Variants in MPP7 observed in about 807,000 individuals in gnomAD.
The protein encoded by MPP7 is MAGUK p55 scaffold protein 7, also known as MAGUK p55 subfamily member 7.
Under a neutral mutation model 76.5 loss-of-function variants are expected in MPP7, and 60 were observed. The ratio of observed to expected loss-of-function variants is 0.78; its 90% CI spans 0.64 to 0.97. The LOEUF is 0.97. MPP7 is among the 50% of genes least tolerant of loss of function. The probability of loss-of-function intolerance (pLI) is 0.00; values close to 1 mark genes in which losing one functional copy is unlikely to be tolerated. For missense variants in MPP7, 641 were observed against 694.0 expected (o/e 0.92, Z 0.86); for synonymous variants, 237 against 244.5 (o/e 0.97, Z 0.29).
intron 1 of MPP7, among the ~76,000 whole-genome samples, chr10:28,288,197 C>G (rs1840831298): frequency 1.3e-5 from 2 of 152,118 alleles, no homozygotes; most frequent in African/African-American, 4.8e-5. Flanking sequence ...ATTTTTCATA[C>G]AGAAGTATTA....
chr10:28,093,405 T>G (rs1479149111), intron 11 of MPP7, among the ~76,000 whole-genome samples: 1 of 151,696 alleles, frequency 6.6e-6, no homozygotes, highest in Admixed American at 6.6e-5. Context: ...TGTGCTTACC[T>G]AATTGAGCCT....
rs182093621 is a variant in MPP7 at position 28,111,612 on chromosome 10, C to T, written c.952+8039G>A. Reference sequence around the variant, plus strand: ...TAGAAACAACAAATTTTGTCCTTAACATATCTAAATATCCTGTAAATTTAA... The same window carrying T: ...TAGAAACAACAAATTTTGTCCTTAATATATCTAAATATCCTGTAAATTTAA... On this transcript the variant is annotated intron_variant, in intron 11 of 16. Coordinates refer to ENST00000683449, the MANE Select transcript of MPP7 (RefSeq NM_001318170.2). Among the ~76,000 whole-genome samples the T allele has an allele frequency of 1.3e-3, 200 of 151,140 alleles. 1 individual carries two copies. The highest frequency in any genetic ancestry group is 4.6e-3 in the South Asian group (22 of 4,822).
At chr10:28,089,064 G>A (rs1411783261) in intron 12 of MPP7, among the ~76,000 whole-genome samples, 1 of 151,916 alleles carries the variant, frequency 6.6e-6, no homozygotes, top group African/African-American at 2.4e-5. Flanking sequence ...TTGTAGAGAT[G>A]GGGCTTCAAT....
At chr10:28,264,445 C>T (rs747659068) in intron 1 of MPP7, among the ~76,000 whole-genome samples, 17 of 151,972 alleles carry the variant, frequency 1.1e-4, no homozygotes, top group South Asian at 2.1e-4. Flanking sequence ...CAGGATGGGG[C>T]GCTGGTGGAC....
chr10:28,208,665 C>T (rs1838027196), intron 2 of MPP7, among the ~76,000 whole-genome samples: 1 of 152,196 alleles, frequency 6.6e-6, no homozygotes, highest in African/African-American at 2.4e-5. Flanking sequence ...CCAGTGCCCT[C>T]ATCTGACAAA....
chr10:28,228,907 A>G (rs1244619413), intron 2 of MPP7, among the ~76,000 whole-genome samples: 2 of 152,244 alleles, frequency 1.3e-5, no homozygotes, highest in Admixed American at 1.3e-4. Context: ...AAGATAGGTG[A>G]GAATTACTCA....
intron 1 of MPP7, among the ~76,000 whole-genome samples, chr10:28,244,984 A>T (rs1305458828): frequency 6.6e-6 from 1 of 152,136 alleles, no homozygotes; most frequent in Non-Finnish European, 1.5e-5. Flanking sequence ...TTAAGCAAAA[A>T]TGGCAGCATT....
chr10:28,288,122 C>T (rs967025618), intron 1 of MPP7, among the ~76,000 whole-genome samples: 5 of 151,596 alleles, frequency 3.3e-5, no homozygotes, highest in African/African-American at 1.2e-4. Flanking sequence ...CGAAACCAGA[C>T]GTTATAGAGA....
chr10:28,067,779 T>C (rs1013158890), intron 13 of MPP7, among the ~76,000 whole-genome samples: 2 of 152,228 alleles, frequency 1.3e-5, no homozygotes, highest in Non-Finnish European at 2.9e-5. Context: ...AAGTCAGTTT[T>C]GACTACTTAC....
chr10:28,207,074 A>C (rs1837971891), intron 2 of MPP7, among the ~76,000 whole-genome samples: 1 of 152,186 alleles, frequency 6.6e-6, no homozygotes, highest in Non-Finnish European at 1.5e-5. Flanking sequence ...GAAATAACAG[A>C]AAGTTACCTA....
At chr10:28,230,028 T>A (rs1838830303) in intron 2 of MPP7, among the ~76,000 whole-genome samples, 1 of 152,132 alleles carries the variant, frequency 6.6e-6, no homozygotes, top group Non-Finnish European at 1.5e-5. Context: ...TCCTGTAAGG[T>A]CCTTAGCTTG....
intron 1 of MPP7, among the ~76,000 whole-genome samples, chr10:28,296,233 G>A (rs1050809437): frequency 1.1e-4 from 17 of 152,036 alleles, no homozygotes; most frequent in African/African-American, 4.8e-5. Flanking sequence ...CCATGCCCAC[G>A]CTCTCCTAAG....
intron 3 of MPP7, among the ~76,000 whole-genome samples, chr10:28,170,731 T>A (rs1836651982): frequency 6.6e-6 from 1 of 151,952 alleles, no homozygotes; most frequent in African/African-American, 2.4e-5. Context: ...ATCCACTGAG[T>A]TTTTTATTTC....
chr10:28,074,771 C>T (rs1171956629), intron 12 of MPP7, among the ~76,000 whole-genome samples: 1 of 152,190 alleles, frequency 6.6e-6, no homozygotes, highest in African/African-American at 2.4e-5. Flanking sequence ...CCACATTTCC[C>T]TTAACTCTAA....
At chr10:28,290,236 A>G (rs916126561) in intron 1 of MPP7, among the ~76,000 whole-genome samples, 4 of 150,266 alleles carry the variant, frequency 2.7e-5, no homozygotes, top group Admixed American at 6.6e-5. Flanking sequence ...TTGATGCCCT[A>G]TATCCTTTAC....
chr10:28,104,553 T>G (rs1288263907), intron 11 of MPP7, among the ~76,000 whole-genome samples: 2 of 152,220 alleles, frequency 1.3e-5, no homozygotes, highest in African/African-American at 4.8e-5. Flanking sequence ...TTTCTCAAGC[T>G]ATTTGTAACA....
At chr10:28,150,467 G>A (rs1835847966) in intron 3 of MPP7, among the ~76,000 whole-genome samples, 1 of 152,168 alleles carries the variant, frequency 6.6e-6, no homozygotes, top group Non-Finnish European at 1.5e-5. Context: ...TATGATTAAA[G>A]CAAAGCAATA....
At chr10:28,059,404 C>A (rs1463099220) in intron 14 of MPP7, 2 of 370,626 alleles carry the variant, frequency 5.4e-6, no homozygotes, top group Non-Finnish European at 4.8e-6. Flanking sequence ...ACACTTGCAA[C>A]CTTCCCTCAT....
chr10:28,095,897 C>T (rs1428830475), intron 11 of MPP7, among the ~76,000 whole-genome samples: 1 of 152,102 alleles, frequency 6.6e-6, no homozygotes, highest in Non-Finnish European at 1.5e-5. Flanking sequence ...GGGAGCTTAC[C>T]CACAGCTGCT....
Sources: gnomAD v4.1 joint callset for allele counts (sites outside exome capture counted in the v4.1 genomes callset) on GRCh38, gnomAD v4.1.1 for gene constraint, MANE v1.5 for transcripts, NCBI Gene and HGNC (gene_info 2026-07-23, HGNC 2026-07-21) for gene names.